DPP6: variants seen among roughly 807,000 people sequenced by gnomAD.
The protein encoded by DPP6 is A-type potassium channel modulatory protein DPP6.
DPP6 carries 69 observed loss-of-function variants against 122.6 expected under a neutral mutation model. The observed-to-expected ratio is 0.56, with a 90% confidence interval of 0.46 to 0.69. The LOEUF (loss-of-function observed/expected upper bound fraction) is 0.69, where lower values mean the gene tolerates loss of function less well. DPP6 is among the 30% of genes least tolerant of loss of function. The pLI is 0.00. For synonymous variants in DPP6, 418 were observed against 433.1 expected (o/e 0.97, Z 0.43); for missense variants, 928 against 1,116.9 (o/e 0.83, Z 2.41).
In DPP6 at chr7:154,015,997, A is replaced by G. The variant is rs189734045; in HGVS notation, c.51+128263A>G. Among the ~76,000 whole-genome samples, 272 of 151,644 alleles carry G rather than the reference A, an allele frequency of 1.8e-3. 2 individuals are homozygous for G. The highest frequency in any genetic ancestry group is 6.3e-3 in the African/African-American group (260 of 41,306). On this transcript the variant is annotated intron_variant, in intron 1 of 25. Coordinates refer to the DPP6 transcript ENST00000404039. Reference sequence around the variant, plus strand: ...CTTATAAGACCCCTTTTCCCTGCACACTCCATGCTCTGGCCATATCGGCCC... The same window carrying G: ...CTTATAAGACCCCTTTTCCCTGCACGCTCCATGCTCTGGCCATATCGGCCC...
chr7:153,918,873 G>A lies in DPP6; in HGVS notation c.51+31139G>A, dbSNP rs560374985. ...GCATGCCTGTAATTCCAGCTACTTG[G>A]GAGGCTGAGGCATGAGAATTGCTTG... On this transcript the variant is annotated intron_variant, in intron 1 of 25. Coordinates refer to the DPP6 transcript ENST00000404039. Among the ~76,000 whole-genome samples the A allele has an allele frequency of 1.9e-4, 29 of 151,082 alleles. 1 individual carries two copies. In the East Asian group the frequency reaches 5.3e-3, roughly 28 times the overall value.
intron 1 of DPP6, among the ~76,000 whole-genome samples, chr7:154,230,877 C>G (rs916271332): frequency 6.6e-6 from 1 of 152,226 alleles, no homozygotes; most frequent in Non-Finnish European, 1.5e-5. Flanking sequence ...ACAATTATAA[C>G]ATAAAATCAG....
intron 1 of DPP6, among the ~76,000 whole-genome samples, chr7:154,344,634 C>G (rs148694214): frequency 6.6e-6 from 1 of 152,278 alleles, no homozygotes; most frequent in East Asian, 1.9e-4. Flanking sequence ...CCAGTTAAAA[C>G]CCCAGCTTCA....
rs1415456576 is a variant in DPP6 at position 153,895,729 on chromosome 7, CACACACA to C, written c.51+7996_51+8002del. Among the ~76,000 whole-genome samples the C allele has an allele frequency of 1.1e-3, 5 of 4,502 alleles. No homozygotes were observed. In the Admixed American group the frequency reaches 0.012, roughly 11 times the overall value. 3.0% of individuals were successfully genotyped at this position (4,502 alleles called of 152,430 possible). On this transcript the variant is annotated intron_variant, in intron 1 of 25. Coordinates refer to the DPP6 transcript ENST00000404039. ...CCATATACATGCATGTGCATGCGTGCACACACACACACACACACACACACACACACAC... is the reference window on the plus strand; with the variant it reads ...CCATATACATGCATGTGCATGCGTGCCACACACACACACACACACACACAC...
intron 18 of DPP6, among the ~76,000 whole-genome samples, chr7:154,870,787 ACT>A (rs748213945): frequency 7.9e-5 from 12 of 151,976 alleles, no homozygotes; most frequent in Non-Finnish European, 1.3e-4. Context: ...ACATGGTGAA[ACT>A]CTGTCTCTAC....
intron 1 of DPP6, among the ~76,000 whole-genome samples, chr7:154,366,309 A>T (rs1231796757): frequency 6.6e-6 from 1 of 152,226 alleles, no homozygotes. Context: ...AGGATTTATT[A>T]AAAAGCGGGG....
chr7:154,277,120 G>A (rs1224485055), intron 1 of DPP6, among the ~76,000 whole-genome samples: 2 of 152,204 alleles, frequency 1.3e-5, no homozygotes, highest in African/African-American at 2.4e-5. Flanking sequence ...GTGCCGTCAT[G>A]TTCAGACCCA....
chr7:154,666,200 T>C (rs62475188), intron 6 of DPP6, among the ~76,000 whole-genome samples: 37,603 of 102,340 alleles, frequency 0.37, 5,786 homozygotes, highest in African/African-American at 0.52. Flanking sequence ...TATATATATA[T>C]ACACATATAC....
intron 1 of DPP6, among the ~76,000 whole-genome samples, chr7:154,031,271 T>C (rs1467174804): frequency 6.7e-6 from 1 of 149,650 alleles, no homozygotes; most frequent in African/African-American, 2.5e-5. Context: ...TTTCTGGGTC[T>C]TCCTCATGCC....
At chr7:154,142,692 A>C (rs1795907746) in intron 1 of DPP6, among the ~76,000 whole-genome samples, 1 of 152,142 alleles carries the variant, frequency 6.6e-6, no homozygotes, top group African/African-American at 2.4e-5. Flanking sequence ...TATTCACATT[A>C]TTAATAAAAC....
chr7:154,786,308 C>A lies in DPP6; in HGVS notation c.1137-7771C>A, dbSNP rs533907764. ...CTAGAGGGTATAGCTCCATTGTTTCCAGCATTTTGAGATGCTAAAGATAAA... is the reference window on the plus strand; with the variant it reads ...CTAGAGGGTATAGCTCCATTGTTTCAAGCATTTTGAGATGCTAAAGATAAA... On this transcript the variant is annotated intron_variant, in intron 10 of 25. Coordinates refer to ENST00000377770, the MANE Select transcript of DPP6 (RefSeq NM_130797.4). Among the ~76,000 whole-genome samples the A allele has an allele frequency of 6.6e-5, 10 of 152,192 alleles. No homozygotes were observed. The South Asian group carries it at 2.1e-3, about 32-fold the overall frequency.
chr7:154,753,187 T>C (rs917160591), intron 8 of DPP6, among the ~76,000 whole-genome samples: 4 of 152,162 alleles, frequency 2.6e-5, no homozygotes, highest in African/African-American at 7.2e-5. Context: ...TCTTTGGTGC[T>C]AAATTGTCAG....
intron 9 of DPP6, among the ~76,000 whole-genome samples, chr7:154,772,253 C>T (rs989062125): frequency 1.3e-5 from 2 of 152,180 alleles, no homozygotes; most frequent in Admixed American, 6.5e-5. Flanking sequence ...CATGCCCTGT[C>T]GTGGGCCTGA....
chr7:154,850,816 T>G (rs1269799526), intron 16 of DPP6, among the ~76,000 whole-genome samples: 1 of 152,226 alleles, frequency 6.6e-6, no homozygotes, highest in Non-Finnish European at 1.5e-5. Flanking sequence ...CTGATTTTAT[T>G]TGCATCTTCT....
chr7:154,400,383 A>G (rs1815468192), intron 1 of DPP6, among the ~76,000 whole-genome samples: 1 of 152,212 alleles, frequency 6.6e-6, no homozygotes, highest in Admixed American at 6.5e-5. Context: ...ATGAGGGACA[A>G]TGAAAGGTCA....
At chr7:154,144,590 A>G (rs1206518191) in intron 1 of DPP6, among the ~76,000 whole-genome samples, 2 of 148,272 alleles carry the variant, frequency 1.3e-5, no homozygotes, top group Admixed American at 1.4e-4. Flanking sequence ...TTCAATGTTC[A>G]GAATAGAAAG....
At chr7:154,466,418 A>T (rs1412486205) in intron 2 of DPP6, among the ~76,000 whole-genome samples, 2 of 152,220 alleles carry the variant, frequency 1.3e-5, no homozygotes, top group Non-Finnish European at 2.9e-5. Context: ...TCCAAGATCA[A>T]GGTGTCAGCA....
chr7:153,943,212 A>G (rs1487137856), intron 1 of DPP6, among the ~76,000 whole-genome samples: 1 of 152,244 alleles, frequency 6.6e-6, no homozygotes, highest in Non-Finnish European at 1.5e-5. Flanking sequence ...CAAAGGAATG[A>G]ATCTCTAATG....
rs562218433 is a variant in DPP6 at position 154,564,160 on chromosome 7, A to G, written c.553-2682A>G. Among the ~76,000 whole-genome samples the G allele has an allele frequency of 3.9e-5, 6 of 152,280 alleles. No individual in the cohort carries two copies. In the South Asian group the frequency reaches 1.2e-3, roughly 32 times the overall value. ...GTAAGAGGACAGCTGAGAAATTATG[A>G]CATTTAGCAAAGTGAGTCTCTGATA... On this transcript the variant is annotated intron_variant, in intron 4 of 25. Coordinates refer to ENST00000377770, the MANE Select transcript of DPP6 (RefSeq NM_130797.4).
Sources: allele counts gnomAD v4.1 joint callset (sites outside exome capture counted in the v4.1 genomes callset), GRCh38; gene constraint gnomAD v4.1.1; transcripts MANE v1.5; gene names NCBI Gene and HGNC (gene_info 2026-07-23, HGNC 2026-07-21).